KIF15: variants seen among roughly 807,000 people sequenced by gnomAD.
KIF15 encodes kinesin-like protein KIF15.
A neutral mutation model predicts 190.6 loss-of-function variants in KIF15; 140 were observed. That is an observed-to-expected ratio of 0.73 (90% CI 0.64 to 0.84). The LOEUF (loss-of-function observed/expected upper bound fraction) is 0.84, where lower values mean the gene tolerates loss of function less well. KIF15 is among the 40% of genes least tolerant of loss of function. KIF15 has a pLI of 0.00. For synonymous variants in KIF15, 528 were observed against 551.3 expected, an observed-to-expected ratio of 0.96 and a Z score of 0.59; for missense variants, 1,372 against 1,584.4, an observed-to-expected ratio of 0.87 and a Z score of 2.28.
intron 26 of KIF15, among the ~76,000 whole-genome samples, chr3:44,835,687 G>A (rs573196678): frequency 6.6e-6 from 1 of 152,342 alleles, no homozygotes; most frequent in South Asian, 2.1e-4. Flanking sequence ...ACTGATGATA[G>A]AGAGATCATT....
intron 6 of KIF15, among the ~76,000 whole-genome samples, chr3:44,858,666 C>G (rs1699211115): frequency 6.6e-6 from 1 of 152,122 alleles, no homozygotes; most frequent in African/African-American, 2.4e-5. Context: ...GGGAACTGGG[C>G]AAGTGGGGAT....
intron 10 of KIF15, among the ~76,000 whole-genome samples, chr3:44,798,466 A>T (rs1197103756): frequency 1.3e-5 from 2 of 151,886 alleles, no homozygotes; most frequent in African/African-American, 4.8e-5. Flanking sequence ...GCCCACCACC[A>T]CGCCCGGCTA....
chr3:44,844,420 C>T (rs1244489081), intron 30 of KIF15, among the ~76,000 whole-genome samples: 1 of 152,184 alleles, frequency 6.6e-6, no homozygotes, highest in African/African-American at 2.4e-5. Context: ...ACAGTCTGCT[C>T]ACCTAGTTTT....
At chr3:44,826,720 C>T (rs1697677473) in intron 22 of KIF15, among the ~76,000 whole-genome samples, 1 of 152,166 alleles carries the variant, frequency 6.6e-6, no homozygotes, top group African/African-American at 2.4e-5. Context: ...AAATAAATCA[C>T]AGCAAATATA....
chr3:44,827,183 C>T, intron 22 of KIF15: 1 of 394,370 alleles, frequency 2.5e-6, no homozygotes, highest in East Asian at 5.5e-5. Context: ...ACTTCTAGCA[C>T]AGGGAGACAG....
intron 6 of KIF15, chr3:44,862,128 G>T: frequency 8.1e-7 from 1 of 1,234,782 alleles, no homozygotes; most frequent in Non-Finnish European, 1.0e-6. Context: ...TCGAGCCCGG[G>T]GCGCTGTTGG....
Position 44,811,058 on chromosome 3 carries a change from T to G in KIF15, c.2169+15T>G. ...GAACAGTGCAGGTAATGTTTTGTTC[T>G]AGAAAAAATAAATAACTGGACATCC... On this transcript the variant is annotated intron_variant, in intron 17 of 34. Coordinates refer to ENST00000326047, the MANE Select transcript of KIF15 (RefSeq NM_020242.3). 1.3e-6 allele frequency: 2 copies of G among 1,555,826 alleles called. No homozygotes were observed. The highest frequency in any genetic ancestry group is 1.7e-6 in the Non-Finnish European group (2 of 1,151,760).
intron 20 of KIF15, 27 bp from the exon 21 acceptor site, chr3:44,826,012 C>T (rs985567723): frequency 1.4e-5 from 22 of 1,553,096 alleles, no homozygotes. Context: ...GTTTATTTAC[C>T]ATTTTTAAAA....
chr3:44,864,480 A>G (rs1390457961), intron 6 of KIF15: 1 of 980,256 alleles, frequency 1.0e-6, no homozygotes, highest in South Asian at 1.6e-5. Context: ...TGACCCCTGG[A>G]TGAGTGCTCT....
At chr3:44,855,811 C>CT (rs1247954796), downstream of KIF15, among the ~76,000 whole-genome samples, 1 of 152,086 alleles carries the variant, frequency 6.6e-6, no homozygotes, top group African/African-American at 2.4e-5. Context: ...TATTAAAGGA[C>CT]TAAGAATTGG....
intron 27 of KIF15, among the ~76,000 whole-genome samples, chr3:44,839,068 T>C (rs762851361): frequency 1.3e-5 from 2 of 152,074 alleles, no homozygotes; most frequent in African/African-American, 2.4e-5. Flanking sequence ...ATAAATAAAT[T>C]TGTGAGAGAA....
intron 33 of KIF15, 101 bp from the exon 34 acceptor site, chr3:44,852,098 TTCTGGACTC>T: frequency 6.9e-7 from 1 of 1,450,342 alleles, no homozygotes; most frequent in East Asian, 2.3e-5. Flanking sequence ...AAAGCTGGGA[TTCTGGACTC>T]TCTGACTTCC....
chr3:44,859,788 T>G (rs974596106), intron 6 of KIF15, among the ~76,000 whole-genome samples: 12 of 152,166 alleles, frequency 7.9e-5, no homozygotes, highest in African/African-American at 1.7e-4. Context: ...ATTACACCAT[T>G]GCACTCTAGC....
At chr3:44,821,046 C>T (rs1283993771) in intron 20 of KIF15, among the ~76,000 whole-genome samples, 4 of 148,500 alleles carry the variant, frequency 2.7e-5, no homozygotes, top group Admixed American at 6.6e-5. Context: ...CCCCCACCTC[C>T]CTCCCGGATG....
intron 7 of KIF15, among the ~76,000 whole-genome samples, chr3:44,792,867 G>A (rs1393030412): frequency 2.0e-5 from 3 of 152,132 alleles, no homozygotes; most frequent in Admixed American, 2.0e-4. Context: ...TTTATTGAGT[G>A]AAGGTGCCAA....
intron 7 of KIF15, among the ~76,000 whole-genome samples, chr3:44,790,733 G>T (rs1299537965): frequency 6.5e-5 from 8 of 122,544 alleles, no homozygotes; most frequent in Non-Finnish European, 9.5e-5. Flanking sequence ...TCGCTCTGTC[G>T]CCAGGCTAGA....
At chr3:44,826,226 A>T (rs767702617) in intron 21 of KIF15, 37 bp downstream of exon 21, 2 of 1,561,816 alleles carry the variant, frequency 1.3e-6, no homozygotes, top group East Asian at 4.5e-5. Flanking sequence ...CGCATCTGTG[A>T]CTGTCCTTTT....
Position 44,811,038 on chromosome 3 carries a change from G to C in KIF15, c.2164G>C (p.Val722Leu). 1 of 1,584,438 alleles carries C rather than the reference G, an allele frequency of 6.3e-7. No individual in the cohort carries two copies. Among genetic ancestry groups the C allele is most frequent in the Non-Finnish European group, 8.5e-7 (1 of 1,171,204 alleles). ...FEAISEELRT[V>L]QEQMSALQAK... Reference sequence around the variant, plus strand: ...GGCCATTTCTGAAGAGCTTAGAACAGTGCAGGTAATGTTTTGTTCTAGAAA... The same window carrying C: ...GGCCATTTCTGAAGAGCTTAGAACACTGCAGGTAATGTTTTGTTCTAGAAA... The change falls in exon 17 of 35, where the codon GTG becomes CTG. Residue 722 changes from valine to leucine, a missense_variant. Transcript: ENST00000326047.
intron 6 of KIF15, chr3:44,861,893 A>C: frequency 6.7e-7 from 1 of 1,488,010 alleles, no homozygotes; most frequent in East Asian, 2.9e-5. Context: ...CCCTGCGGGC[A>C]GCGGGTGCCA....
Sources: allele counts gnomAD v4.1 joint callset (sites outside exome capture counted in the v4.1 genomes callset), GRCh38; gene constraint gnomAD v4.1.1; transcripts MANE v1.5; gene names NCBI Gene and HGNC (gene_info 2026-07-23, HGNC 2026-07-21).